NOTCH2NLR: variants seen among roughly 807,000 people sequenced by gnomAD.
NOTCH2NLR encodes the protein notch 2 N-terminal like R (pseudogene).
NOTCH2NLR carries 33 observed loss-of-function variants against 35.6 expected under a neutral mutation model. That is an observed-to-expected ratio of 0.93 (90% CI 0.70 to 1.24). NOTCH2NLR has a LOEUF of 1.24. Ranked by LOEUF, NOTCH2NLR falls within the 50% of genes most tolerant of loss-of-function variation. The probability of loss-of-function intolerance (pLI) is 0.00; values close to 1 mark genes in which losing one functional copy is unlikely to be tolerated. For synonymous variants in NOTCH2NLR, 103 were observed against 141.0 expected (o/e 0.73, Z 1.91); for missense variants, 276 against 362.2 (o/e 0.76, Z 1.93).
rs1472122312 is a variant in NOTCH2NLR at position 120,793,834 on chromosome 1, G to A, written c.*14G>A. ...AGAACACGATGAGAATTAGACACTG[G>A]AAAATATGTATGTGTGGTTAATAAA... On this transcript the variant is annotated 3_prime_UTR_variant, in exon 5 of 5. Coordinates refer to ENST00000624419, the Ensembl canonical transcript of NOTCH2NLR. 404 of 778,312 alleles carry A rather than the reference G, an allele frequency of 5.2e-4. 143 individuals are homozygous for A. In the African/African-American group the frequency reaches 0.014, roughly 28 times the overall value. 48.2% of individuals were successfully genotyped at this position (778,312 alleles called of 1,614,324 possible). A position where few individuals can be genotyped will look rare whatever the true frequency, so the allele number is the denominator to read the frequency against.
intron 1 of NOTCH2NLR, among the ~76,000 whole-genome samples, chr1:120,733,170 G>GCA (rs1348492602): frequency 3.9e-5 from 4 of 103,878 alleles, no homozygotes; most frequent in Non-Finnish European, 7.1e-5. Flanking sequence ...ATATATATAT[G>GCA]CACACACACA....
rs2101343756 is a variant in NOTCH2NLR at position 120,728,947 on chromosome 1, G to A, written c.73+4697G>A. Among the ~76,000 whole-genome samples, 2 of 112,804 alleles carry A rather than the reference G, an allele frequency of 1.8e-5. 1 individual carries two copies. The highest frequency in any genetic ancestry group is 1.7e-4 in the Admixed American group (2 of 11,842). 74.0% of individuals were successfully genotyped at this position (112,804 alleles called of 152,430 possible). On this transcript the variant is annotated intron_variant, in intron 1 of 4. Coordinates refer to ENST00000624419, the Ensembl canonical transcript of NOTCH2NLR. ...CTGCCACATGATTTTGATCCTTGAG[G>A]GCCAGGTCTGTGCTACACACATTTC...
intron 1 of NOTCH2NLR, among the ~76,000 whole-genome samples, chr1:120,726,911 G>A (rs1650821196): frequency 3.5e-5 from 4 of 113,658 alleles, no homozygotes; most frequent in Non-Finnish European, 6.6e-5. Context: ...ACATAGAGGA[G>A]CAACTTTTGG....
chr1:120,724,167 C>T lies in NOTCH2NLR; in HGVS notation c.-11C>T, dbSNP rs1650787341. 5.1e-6 allele frequency: 7 copies of T among 1,384,284 alleles called. 1 individual carries two copies. In the East Asian group the frequency reaches 1.8e-4, roughly 35 times the overall value. 85.8% of individuals were successfully genotyped at this position (1,384,284 alleles called of 1,614,324 possible). ...GCGGCGGCGGAGGAGGAGGAGGAGGCGACCGAGAAGATGCCCGCCCTGCGT... is the reference window on the plus strand; with the variant it reads ...GCGGCGGCGGAGGAGGAGGAGGAGGTGACCGAGAAGATGCCCGCCCTGCGT... On this transcript the variant is annotated 5_prime_UTR_variant, in exon 1 of 5. Coordinates refer to ENST00000624419, the Ensembl canonical transcript of NOTCH2NLR.
At position 120,785,037 on chromosome 1, in the gene NOTCH2NLR, C is replaced by T. The variant is rs1174011045; in HGVS notation, c.219C>T (p.Cys73=). 8.3e-6 allele frequency: 12 copies of T among 1,442,532 alleles called. 3 individuals are homozygous for T. The Admixed American group carries it at 1.6e-4, about 19-fold the overall frequency. The allele number at this position is 1,442,532 out of a possible 1,614,324, so 89.4% of individuals were successfully genotyped here. A position where few individuals can be genotyped will look rare whatever the true frequency, so the allele number is the denominator to read the frequency against. ...GAGACCCCTGTGAGAAGAACCGCTGCCAGAATGGTGGGACTTGTGTGGCCC... is the reference window on the plus strand; with the variant it reads ...GAGACCCCTGTGAGAAGAACCGCTGTCAGAATGGTGGGACTTGTGTGGCCC... Residue 73 remains cysteine (C), a synonymous_variant, in exon 3 of 5, where the codon TGC becomes TGT. Transcript: ENST00000624419.
rs2101454595 is a variant in NOTCH2NLR at position 120,785,105 on chromosome 1, T to A, written c.287T>A (p.Phe96Tyr). 4 of 1,446,106 alleles carry A rather than the reference T, an allele frequency of 2.8e-6. No homozygotes were observed. In the East Asian group the frequency reaches 9.3e-5, roughly 34 times the overall value. 89.6% of individuals were successfully genotyped at this position (1,446,106 alleles called of 1,614,324 possible). A position where few individuals can be genotyped will look rare whatever the true frequency, so the allele number is the denominator to read the frequency against. ...GCCACGTGCCGGTGTGCCTCAGGGT[T>A]TACAGGAGAGGACTGCCAGTACTCG... Residue 96 changes from phenylalanine (F) to tyrosine (Y), a missense_variant, in exon 3 of 5, where the codon TTT becomes TAT. By Grantham distance (22) the Phe-to-Tyr change is conservative (BLOSUM62 3). Coordinates refer to ENST00000624419, the Ensembl canonical transcript of NOTCH2NLR.
chr1:120,750,496 G>A (rs1426709821), intron 1 of NOTCH2NLR, among the ~76,000 whole-genome samples: 1 of 107,130 alleles, frequency 9.3e-6, no homozygotes, highest in East Asian at 2.2e-4. Context: ...TATATTCTGT[G>A]GAGTACTATC....
In NOTCH2NLR at chr1:120,793,815, C is replaced by T. The variant is rs1415176938; in HGVS notation, c.820C>T (p.Arg274Ter). Residue 274 changes from arginine (R) to a stop codon, truncating the protein, a stop_gained, in exon 5 of 5, where the codon CGA becomes TGA. Coordinates refer to ENST00000624419, the Ensembl canonical transcript of NOTCH2NLR. LOFTEE classifies it high-confidence loss of function. ...GGCAAGTCTGGAATGGAAAAGAACA[C>T]GATGAGAATTAGACACTGGAAAATA... 6.3e-4 allele frequency: 596 copies of T among 947,562 alleles called. 126 individuals carry two copies. The South Asian group carries it at 8.0e-3, about 13-fold the overall frequency. The allele number at this position is 947,562 out of a possible 1,614,324, so 58.7% of individuals were successfully genotyped here. A position where few individuals can be genotyped will look rare whatever the true frequency, so the allele number is the denominator to read the frequency against.
chr1:120,770,363 G>A (rs1195698716), intron 2 of NOTCH2NLR, among the ~76,000 whole-genome samples: 1 of 110,206 alleles, frequency 9.1e-6, no homozygotes, highest in Non-Finnish European at 1.7e-5. Flanking sequence ...TAGAGACGGG[G>A]TTTCACTGTG....
At chr1:120,756,718 G>T (rs1651085098) in intron 1 of NOTCH2NLR, among the ~76,000 whole-genome samples, 1 of 115,994 alleles carries the variant, frequency 8.6e-6, no homozygotes, top group South Asian at 2.5e-4. Context: ...ATATGTAGCT[G>T]GTATGATACT....
Sources: allele counts gnomAD v4.1 joint callset (sites outside exome capture counted in the v4.1 genomes callset), GRCh38; gene constraint gnomAD v4.1.1; transcripts MANE v1.5; gene names NCBI Gene and HGNC (gene_info 2026-07-23, HGNC 2026-07-21).